The following CWC27 variants were observed in gnomAD, a reference collection of about 807,000 sequenced individuals.
CWC27 encodes the protein spliceosome-associated protein CWC27 homolog.
CWC27 carries 47 observed loss-of-function variants against 63.6 expected under a neutral mutation model. The ratio of observed to expected loss-of-function variants is 0.74; its 90% CI spans 0.58 to 0.94. The LOEUF is 0.94. Among genes scored for constraint, CWC27 ranks in the 40% least tolerant of loss-of-function variants. The pLI is 0.00. For synonymous variants in CWC27, 175 were observed against 179.8 expected (o/e 0.97, Z 0.22); for missense variants, 495 against 554.3 (o/e 0.89, Z 1.07).
intron 1 of CWC27, 41 bp downstream of exon 1, chr5:64,769,229 C>G (rs901408487): frequency 1.9e-6 from 3 of 1,590,648 alleles, no homozygotes; most frequent in Non-Finnish European, 2.6e-6. Context: ...CTGGGATCCC[C>G]AAAGTGAGAT....
chr5:64,888,445 T>TA (rs1747131440), intron 11 of CWC27, among the ~76,000 whole-genome samples: 1 of 145,878 alleles, frequency 6.9e-6, no homozygotes, highest in African/African-American at 2.5e-5. Context: ...CATATATAAA[T>TA]AATGTATATT....
At chr5:64,957,403 AC>A (rs1388659125) in intron 11 of CWC27, among the ~76,000 whole-genome samples, 2 of 152,190 alleles carry the variant, frequency 1.3e-5, no homozygotes, top group East Asian at 3.8e-4. Flanking sequence ...TGCGGATCAC[AC>A]CATCTGCAGA....
Position 64,781,891 on chromosome 5 carries a change from A to G in CWC27, c.140-30A>G, listed in dbSNP as rs1743703491. On this transcript the variant is annotated intron_variant, in intron 2 of 13. Transcript: ENST00000381070. Reference sequence around the variant, plus strand: ...ACTGTAGAGATGATTAATTTTAGACATTGATAAATTATTTTTATTTTTTTT... The same window carrying G: ...ACTGTAGAGATGATTAATTTTAGACGTTGATAAATTATTTTTATTTTTTTT... 5.1e-6 allele frequency: 6 copies of G among 1,165,918 alleles called. No individual in the cohort carries two copies. The South Asian group carries it at 8.1e-5, about 16-fold the overall frequency. The allele number at this position is 1,165,918 out of a possible 1,614,324, so 72.2% of individuals were successfully genotyped here. A position where few individuals can be genotyped will look rare whatever the true frequency, so the allele number is the denominator to read the frequency against.
intron 13 of CWC27, among the ~76,000 whole-genome samples, chr5:65,011,026 G>A (rs1749945112): frequency 6.6e-6 from 1 of 152,098 alleles, no homozygotes; most frequent in South Asian, 2.1e-4. Context: ...AAGCATTGCT[G>A]GCTAGTACAA....
At chr5:64,929,606 A>G (rs1748196128) in intron 11 of CWC27, among the ~76,000 whole-genome samples, 1 of 152,206 alleles carries the variant, frequency 6.6e-6, no homozygotes, top group Admixed American at 6.5e-5. Context: ...CACATGAAAA[A>G]TGCTCAGCAT....
intron 10 of CWC27, among the ~76,000 whole-genome samples, chr5:64,851,579 T>C (rs1746134528): frequency 6.6e-6 from 1 of 152,222 alleles, no homozygotes; most frequent in African/African-American, 2.4e-5. Context: ...TGTTAAGTAT[T>C]TGAAGTGATG....
intron 10 of CWC27, among the ~76,000 whole-genome samples, chr5:64,864,633 T>C (rs961601374): frequency 6.6e-6 from 1 of 152,206 alleles, no homozygotes; most frequent in African/African-American, 2.4e-5. Context: ...TTATTTGTTA[T>C]AAATTTCCGA....
intron 10 of CWC27, among the ~76,000 whole-genome samples, chr5:64,879,574 G>A (rs1447358743): frequency 6.6e-6 from 1 of 151,872 alleles, no homozygotes; most frequent in East Asian, 1.9e-4. Context: ...TTCTGAAATA[G>A]CAGAGGGGCA....
intron 10 of CWC27, among the ~76,000 whole-genome samples, chr5:64,858,529 A>T (rs1192028972): frequency 6.6e-6 from 1 of 151,772 alleles, no homozygotes; most frequent in African/African-American, 2.4e-5. Flanking sequence ...AATATTGACA[A>T]CACATATATT....
chr5:64,925,813 A>G (rs1419128190), intron 11 of CWC27, among the ~76,000 whole-genome samples: 2 of 152,098 alleles, frequency 1.3e-5, no homozygotes, highest in South Asian at 2.1e-4. Context: ...ATTCTCCCCA[A>G]TCTATTCTGA....
chr5:65,012,595 T>A, intron 13 of CWC27, among the ~76,000 whole-genome samples: 1 of 152,198 alleles, frequency 6.6e-6, no homozygotes, highest in Non-Finnish European at 1.5e-5. Context: ...CAGCATGCAT[T>A]AAAAGCCCCC....
chr5:64,949,649 A>T (rs1202070099), intron 11 of CWC27, among the ~76,000 whole-genome samples: 1 of 152,060 alleles, frequency 6.6e-6, no homozygotes, highest in Non-Finnish European at 1.5e-5. Context: ...TGCCTGCCAC[A>T]CTAAGCTCAT....
At chr5:64,820,326 G>T (rs1003046167) in intron 10 of CWC27, among the ~76,000 whole-genome samples, 17 of 152,172 alleles carry the variant, frequency 1.1e-4, no homozygotes, top group Admixed American at 6.5e-5. Context: ...CAGTGACCTG[G>T]CCTTAGTATA....
chr5:64,936,434 A>G (rs2112408673), intron 11 of CWC27, among the ~76,000 whole-genome samples: 1 of 152,346 alleles, frequency 6.6e-6, no homozygotes, highest in East Asian at 1.9e-4. Flanking sequence ...CCAGCCATGC[A>G]TCCCAGGGAT....
intron 11 of CWC27, among the ~76,000 whole-genome samples, 189 bp downstream of exon 11, chr5:64,885,735 GTGTT>G (rs1256578530): frequency 2.1e-5 from 3 of 142,552 alleles, no homozygotes; most frequent in African/African-American, 9.1e-5. Flanking sequence ...GTGTGTGTGT[GTGTT>G]TTTAATACTT....
chr5:65,009,051 G>GA (rs1749899784), intron 13 of CWC27, among the ~76,000 whole-genome samples: 1 of 152,062 alleles, frequency 6.6e-6, no homozygotes, highest in Non-Finnish European at 1.5e-5. Context: ...GGCTATACAA[G>GA]AAGGATGGCA....
chr5:64,969,148 A>G (rs925766593), intron 11 of CWC27, among the ~76,000 whole-genome samples: 5 of 152,224 alleles, frequency 3.3e-5, no homozygotes, highest in African/African-American at 1.2e-4. Flanking sequence ...GAAACATTAA[A>G]ATAAGCAATG....
chr5:64,994,008 T>C (rs1025121272), intron 13 of CWC27, among the ~76,000 whole-genome samples: 4 of 152,212 alleles, frequency 2.6e-5, no homozygotes, highest in Non-Finnish European at 5.9e-5. Context: ...TCTTTAAAGG[T>C]AGTTTTAAAC....
At chr5:64,823,739 T>A (rs1268277350) in intron 10 of CWC27, among the ~76,000 whole-genome samples, 1 of 152,156 alleles carries the variant, frequency 6.6e-6, no homozygotes. Flanking sequence ...TTAAATAGAA[T>A]TTTCCTGAAG....
Sources: allele counts gnomAD v4.1 joint callset (sites outside exome capture counted in the v4.1 genomes callset), GRCh38; gene constraint gnomAD v4.1.1; transcripts MANE v1.5; gene names NCBI Gene and HGNC (gene_info 2026-07-23, HGNC 2026-07-21).